RIMS2: variants seen among roughly 807,000 people sequenced by gnomAD.
RIMS2 encodes regulating synaptic membrane exocytosis protein 2.
In RIMS2, 59 loss-of-function variants were observed where a neutral mutation model predicts 174.4. The ratio of observed to expected loss-of-function variants is 0.34; its 90% CI spans 0.27 to 0.42. The LOEUF is 0.42. Ranked by LOEUF, RIMS2 falls within the 10% of genes least tolerant of loss-of-function variation. The pLI is 1.00. For synonymous variants in RIMS2, 606 were observed against 572.5 expected (o/e 1.06, Z -0.84); for missense variants, 1,620 against 1,666.3 (o/e 0.97, Z 0.48).
rs182260157 is a variant in RIMS2 at position 104,018,561 on chromosome 8, C to A, written c.3334+3946C>A. Among the ~76,000 whole-genome samples the A allele has an allele frequency of 5.3e-5, 8 of 152,266 alleles. No individual in the cohort carries two copies. The East Asian group carries it at 1.4e-3, about 26-fold the overall frequency. ...AGGTAGTGCCCCTGACCAAGACATA[C>A]ACCTACCCTTTACCCAGCTTTACAT... On this transcript the variant is annotated intron_variant, in intron 19 of 23. Coordinates refer to ENST00000504942, the Ensembl canonical transcript of RIMS2.
At chr8:103,984,242 A>C (rs907515914) in intron 16 of RIMS2, among the ~76,000 whole-genome samples, 3 of 152,308 alleles carry the variant, frequency 2.0e-5, no homozygotes, top group African/African-American at 7.2e-5. Context: ...CTGCACAGCA[A>C]AGGAAATAAT....
At position 103,994,362 on chromosome 8, in the gene RIMS2, G is replaced by A. The variant is rs553150282; in HGVS notation, c.3044+4941G>A. On this transcript the variant is annotated intron_variant, in intron 17 of 23. Coordinates refer to ENST00000504942, the Ensembl canonical transcript of RIMS2. ...TTTTATCATGAGCCTTAGAATCTAT[G>A]ACTTCTTTATTTTGTTTTTGCTTTT... Among the ~76,000 whole-genome samples the A allele has an allele frequency of 1.5e-4, 23 of 152,156 alleles. 1 individual carries two copies. In the South Asian group the frequency reaches 4.8e-3, roughly 32 times the overall value.
intron 3 of RIMS2, among the ~76,000 whole-genome samples, chr8:103,772,325 C>G (rs561246270): frequency 4.0e-5 from 6 of 151,692 alleles, no homozygotes; most frequent in Non-Finnish European, 7.4e-5. Flanking sequence ...TGTCTGATAA[C>G]CATTTATCTT....
At chr8:104,100,061 T>C (rs1399773937) in intron 19 of RIMS2, among the ~76,000 whole-genome samples, 1 of 152,108 alleles carries the variant, frequency 6.6e-6, no homozygotes, top group Non-Finnish European at 1.5e-5. Context: ...GCTCAAGCAA[T>C]CCTCCCTACT....
intron 19 of RIMS2, among the ~76,000 whole-genome samples, chr8:104,041,992 T>C (rs914635248): frequency 6.6e-6 from 1 of 151,560 alleles, no homozygotes; most frequent in Admixed American, 6.6e-5. Context: ...ACACATGTGG[T>C]ACTGTTCTAG....
chr8:104,142,793 T>C (rs2098596365), intron 19 of RIMS2, among the ~76,000 whole-genome samples: 2 of 152,202 alleles, frequency 1.3e-5, no homozygotes. Flanking sequence ...ACTCTGGACA[T>C]TTTGTGGCAT....
chr8:103,504,855 T>C (rs1233237052), intron 1 of RIMS2, among the ~76,000 whole-genome samples: 23 of 146,860 alleles, frequency 1.6e-4, no homozygotes, highest in African/African-American at 5.5e-4. Flanking sequence ...TCTTTTTTTT[T>C]TTTTTTTTTT....
At chr8:103,758,940 T>G (rs971274677) in intron 2 of RIMS2, among the ~76,000 whole-genome samples, 1 of 152,200 alleles carries the variant, frequency 6.6e-6, no homozygotes, top group African/African-American at 2.4e-5. Context: ...ATGGGAAGAC[T>G]GAAGCTCATT....
At chr8:103,661,770 G>C (rs1399915385) in intron 1 of RIMS2, among the ~76,000 whole-genome samples, 3 of 152,186 alleles carry the variant, frequency 2.0e-5, no homozygotes, top group Non-Finnish European at 4.4e-5. Context: ...CTCCCAACGT[G>C]CTAGGATTAC....
At chr8:104,041,714 C>T (rs1597606764) in intron 19 of RIMS2, among the ~76,000 whole-genome samples, 1 of 151,554 alleles carries the variant, frequency 6.6e-6, no homozygotes, top group East Asian at 1.9e-4. Flanking sequence ...TAGTTTTTTG[C>T]TTTTTAAAAT....
intron 19 of RIMS2, among the ~76,000 whole-genome samples, chr8:104,022,013 C>T (rs543641692): frequency 2.0e-5 from 3 of 152,072 alleles, no homozygotes; most frequent in East Asian, 1.9e-4. Context: ...AGTCATCAGT[C>T]GCAGGTCTGG....
intron 11 of RIMS2, 60 bp from the exon 14 acceptor site, chr8:103,931,203 T>G: frequency 1.6e-6 from 2 of 1,274,278 alleles, no homozygotes; most frequent in South Asian, 2.6e-5. Context: ...ATTGGAAAAG[T>G]AAACATTGTG....
At chr8:103,732,211 G>T (rs1004356437) in intron 2 of RIMS2, among the ~76,000 whole-genome samples, 2 of 152,220 alleles carry the variant, frequency 1.3e-5, no homozygotes, top group African/African-American at 4.8e-5. Context: ...AGGTGCTGAT[G>T]CCATGGTGGT....
intron 19 of RIMS2, among the ~76,000 whole-genome samples, chr8:104,145,241 G>T (rs1395127847): frequency 6.6e-6 from 1 of 151,992 alleles, no homozygotes; most frequent in African/African-American, 2.4e-5. Flanking sequence ...CTAGGTTAAA[G>T]GGTAGGCTTG....
chr8:103,757,891 G>A lies in RIMS2; in HGVS notation c.388-8336G>A, dbSNP rs559061847. ...GATACTCACCAGAAGCTGATTGCCA[G>A]AGGAGACAAGGAACTGGTTTTCCCT... On this transcript the variant is annotated intron_variant, in intron 2 of 23. Transcript: ENST00000504942. 8.5e-5 allele frequency among the ~76,000 whole-genome samples: 13 copies of A among 152,358 alleles called. No homozygotes were observed. In the East Asian group the frequency reaches 2.5e-3, roughly 29 times the overall value.
intron 14 of RIMS2, among the ~76,000 whole-genome samples, chr8:103,959,429 T>G (rs976681544): frequency 7.1e-5 from 10 of 140,244 alleles, no homozygotes; most frequent in African/African-American, 1.2e-4. Flanking sequence ...AAAAAAGTAA[T>G]TTTTTTTTTT....
chr8:103,525,923 G>A (rs193049990), intron 1 of RIMS2, among the ~76,000 whole-genome samples: 52 of 152,258 alleles, frequency 3.4e-4, no homozygotes, highest in African/African-American at 9.6e-4. Flanking sequence ...TCATCTGTTC[G>A]TATCAGAGAG....
intron 16 of RIMS2, chr8:103,976,397 G>A (rs963468596): frequency 4.6e-5 from 7 of 151,986 alleles, no homozygotes; most frequent in Admixed American, 1.3e-4. Context: ...ATATTGATAT[G>A]AGTATATCTA....
At chr8:104,170,300 A>T (rs750967678) in intron 19 of RIMS2, among the ~76,000 whole-genome samples, 3 of 152,062 alleles carry the variant, frequency 2.0e-5, no homozygotes, top group Non-Finnish European at 4.4e-5. Context: ...GTTGCTATCT[A>T]TCTCATTTCC....
Sources: allele counts gnomAD v4.1 joint callset (sites outside exome capture counted in the v4.1 genomes callset), GRCh38; gene constraint gnomAD v4.1.1; transcripts MANE v1.5; gene names NCBI Gene and HGNC (gene_info 2026-07-23, HGNC 2026-07-21).